The following POLE2 variants were observed in gnomAD, a reference collection of about 807,000 sequenced individuals.
The protein encoded by POLE2 is DNA polymerase epsilon subunit 2.
In POLE2, 56 loss-of-function variants were observed where a neutral mutation model predicts 79.4. The observed-to-expected ratio is 0.71, with a 90% CI of 0.57 to 0.88. POLE2 has a LOEUF of 0.88. Ranked by LOEUF, POLE2 falls within the 40% of genes least tolerant of loss-of-function variation. POLE2 has a pLI of 0.00. For missense variants in POLE2, 598 were observed against 638.9 expected, an observed-to-expected ratio of 0.94 and a Z score of 0.69; for synonymous variants, 212 against 214.0, an observed-to-expected ratio of 0.99 and a Z score of 0.08.
intron 5 of POLE2, among the ~76,000 whole-genome samples, chr14:49,670,712 G>A (rs1181248818): frequency 1.3e-5 from 2 of 152,152 alleles, no homozygotes; most frequent in African/African-American, 2.4e-5. Context: ...GGCTACTAGT[G>A]GAGATCTTTG....
intron 5 of POLE2, among the ~76,000 whole-genome samples, 174 bp from the exon 6 acceptor site, chr14:49,669,772 A>T (rs954651802): frequency 2.6e-5 from 4 of 152,230 alleles, no homozygotes; most frequent in Non-Finnish European, 5.9e-5. Flanking sequence ...TGTAAGTTTT[A>T]AAATTTAAGA....
intron 9 of POLE2, among the ~76,000 whole-genome samples, chr14:49,663,622 C>T (rs994319212): frequency 6.6e-6 from 1 of 152,054 alleles, no homozygotes; most frequent in Non-Finnish European, 1.5e-5. Flanking sequence ...TTTGGCAGTA[C>T]GTGTTGATAC....
intron 5 of POLE2, among the ~76,000 whole-genome samples, chr14:49,670,085 G>A (rs964567655): frequency 6.6e-6 from 1 of 152,056 alleles, no homozygotes; most frequent in African/African-American, 2.4e-5. Context: ...GGAGGTCGAG[G>A]AGGGCGGATC....
At chr14:49,657,346 A>C (rs1212469726) in intron 10 of POLE2, among the ~76,000 whole-genome samples, 1 of 152,222 alleles carries the variant, frequency 6.6e-6, no homozygotes, top group East Asian at 1.9e-4. Context: ...TGCCAAAAAA[A>C]GGGAATAGAT....
intron 3 of POLE2, chr14:49,677,800 G>C (rs1886394120): frequency 1.3e-5 from 9 of 670,140 alleles, no homozygotes; most frequent in Non-Finnish European, 1.8e-5. Flanking sequence ...TGATGACTGT[G>C]GACCTGCAGC....
At chr14:49,685,656 T>C (rs1887074131) in intron 1 of POLE2, among the ~76,000 whole-genome samples, 1 of 152,096 alleles carries the variant, frequency 6.6e-6, no homozygotes. Context: ...TCTCGCTCTC[T>C]TACCCAGGCT....
chr14:49,670,575 C>G (rs1189962448), intron 5 of POLE2, among the ~76,000 whole-genome samples: 1 of 152,158 alleles, frequency 6.6e-6, no homozygotes, highest in African/African-American at 2.4e-5. Flanking sequence ...AATGAAAGTA[C>G]TCCATCCTTT....
intron 3 of POLE2, 143 bp downstream of exon 3, chr14:49,679,582 G>A (rs758007205): frequency 3.7e-6 from 2 of 544,980 alleles, no homozygotes; most frequent in Non-Finnish European, 6.7e-6. Context: ...TGCAAAGAAA[G>A]CCATTATTTA....
In POLE2 at chr14:49,651,343, G is replaced by A. The variant is rs745916100; in HGVS notation, c.1246C>T (p.Arg416Cys). The A allele has an allele frequency of 9.4e-6, 15 of 1,588,332 alleles. No individual in the cohort carries two copies. Among genetic ancestry groups the A allele is most frequent in the East Asian group, 4.5e-5 (2 of 44,682 alleles). The change falls in exon 16 of 19, where the codon CGT (arginine) becomes TGT (cysteine). Residue 416 changes from arginine to cysteine, a missense_variant. Transcript: ENST00000216367. ...CACATTTTATTTACTAAGTCTTCAC[G>A]GAAGACAGTAATTTCCTGTGTACAG... ...QYCTQEITVF[R>C]EDLVNKMCRN...
Position 49,679,713 on chromosome 14 carries a change from G to A in POLE2, c.245+12C>T, listed in dbSNP as rs749073156. On this transcript the variant is annotated intron_variant, in intron 3 of 18. Transcript: ENST00000216367. ...CCTCCAAGGAGGAAAAAAGTTAACTGTACCCACATACATAGTTTCATCAAC... is the reference window on the plus strand; with the variant it reads ...CCTCCAAGGAGGAAAAAAGTTAACTATACCCACATACATAGTTTCATCAAC... The A allele has an allele frequency of 2.0e-6, 3 of 1,485,776 alleles. No individual in the cohort carries two copies. The highest frequency in any genetic ancestry group is 2.3e-5 in the South Asian group (2 of 85,370). 92.0% of individuals were successfully genotyped at this position (1,485,776 alleles called of 1,614,324 possible).
chr14:49,663,319 T>G lies in POLE2; in HGVS notation c.751A>C (p.Thr251Pro), dbSNP rs994178681. ...ATAAACCAAACATTTTAATACCTAG[T>G]AGTACTAGAGGGCTCAGTGGGTGGA... ...GFPPTEPSST[T>P]RAYYGNINFF... The change falls in exon 10 of 19, where the codon ACT becomes CCT. Residue 251 changes from threonine (T) to proline (P), a missense_variant. By Grantham distance (38) the Thr-to-Pro change is conservative (BLOSUM62 -1). Transcript: ENST00000216367. The G allele has an allele frequency of 6.4e-7, 1 of 1,564,880 alleles. No individual in the cohort carries two copies. The highest frequency in any genetic ancestry group is 8.8e-7 in the Non-Finnish European group (1 of 1,142,208).
rs781240903 is a variant in POLE2 at position 49,647,273 on chromosome 14, G to C, written c.1565+20C>G. 6.9e-5 allele frequency: 87 copies of C among 1,260,746 alleles called. No individual in the cohort carries two copies. Among genetic ancestry groups the C allele is most frequent in the Non-Finnish European group, 9.3e-5 (83 of 889,618 alleles). 78.1% of individuals were successfully genotyped at this position (1,260,746 alleles called of 1,614,324 possible). A position where few individuals can be genotyped will look rare whatever the true frequency, so the allele number is the denominator to read the frequency against. On this transcript the variant is annotated intron_variant, in intron 18 of 18. Transcript: ENST00000216367. ...CACCTAGAGAAAGATCTTTCTTGCT[G>C]TGTCTGTGCACACACTTACCTATCT...
intron 10 of POLE2, among the ~76,000 whole-genome samples, chr14:49,656,999 G>C (rs1359492283): frequency 4.0e-5 from 6 of 151,830 alleles, no homozygotes; most frequent in African/African-American, 1.5e-4. Context: ...TATAATTCCA[G>C]CTACTCGGGA....
Position 49,683,495 on chromosome 14 carries a change from T to A in POLE2, c.169+98A>T, listed in dbSNP as rs1446398901. The A allele has an allele frequency of 4.8e-6, 3 of 628,720 alleles. No individual in the cohort carries two copies. In the African/African-American group the frequency reaches 5.5e-5, roughly 11 times the overall value. The allele number at this position is 628,720 out of a possible 1,614,324, so 38.9% of individuals were successfully genotyped here. A position where few individuals can be genotyped will look rare whatever the true frequency, so the allele number is the denominator to read the frequency against. On this transcript the variant is annotated intron_variant, in intron 2 of 18. Coordinates refer to ENST00000216367, the MANE Select transcript of POLE2 (RefSeq NM_002692.4). ...ATACATCTTATAACACTGGGACATCTTAATAGTGAAGCCTCAACTTCAATT... is the reference window on the plus strand; with the variant it reads ...ATACATCTTATAACACTGGGACATCATAATAGTGAAGCCTCAACTTCAATT...
intron 2 of POLE2, among the ~76,000 whole-genome samples, chr14:49,682,746 T>C (rs900279266): frequency 5.9e-5 from 9 of 151,544 alleles, no homozygotes; most frequent in Non-Finnish European, 1.0e-4. Context: ...ATTAGTAGAA[T>C]TGCTTTTTAT....
In POLE2 at chr14:49,688,134, A is replaced by G; in HGVS notation, c.68+2T>C. 6.4e-7 allele frequency: 1 copy of G among 1,552,384 alleles called. No homozygotes were observed. Among genetic ancestry groups the G allele is most frequent in the African/African-American group, 1.4e-5 (1 of 71,646 alleles). On this transcript the variant is annotated splice_donor_variant, in intron 1 of 18. Coordinates refer to ENST00000216367, the MANE Select transcript of POLE2 (RefSeq NM_002692.4). LOFTEE classifies it high-confidence loss of function. ...CCCTTCAAGCTGCCCGAGCCCACTC[A>G]CCCACGGAGCAGCAAGCCCCGCAAC...
At chr14:49,650,202 A>T in intron 17 of POLE2, 63 bp downstream of exon 17, 2 of 814,506 alleles carry the variant, frequency 2.5e-6, no homozygotes, top group Non-Finnish European at 1.8e-6. Flanking sequence ...ATATATTTTT[A>T]AATTAAAAAA....
At chr14:49,644,408 G>A (rs1180566976) in intron 18 of POLE2, among the ~76,000 whole-genome samples, 2 of 151,126 alleles carry the variant, frequency 1.3e-5, no homozygotes, top group Admixed American at 6.6e-5. Flanking sequence ...TACTCGGGAG[G>A]TTGAGGCAGG....
At chr14:49,646,173 A>T (rs1281048651) in intron 18 of POLE2, among the ~76,000 whole-genome samples, 3 of 152,080 alleles carry the variant, frequency 2.0e-5, no homozygotes, top group Non-Finnish European at 2.9e-5. Context: ...TTCATTTTAT[A>T]TTCACTTTTA....
Sources: gnomAD v4.1 joint callset for allele counts (sites outside exome capture counted in the v4.1 genomes callset) on GRCh38, gnomAD v4.1.1 for gene constraint, MANE v1.5 for transcripts, NCBI Gene and HGNC (gene_info 2026-07-23, HGNC 2026-07-21) for gene names.